Variants in COG4 observed in about 807,000 individuals in gnomAD.
COG4 encodes the protein conserved oligomeric Golgi complex subunit 4.
In COG4, 65 loss-of-function variants were observed where a neutral mutation model predicts 95.1. The observed-to-expected ratio is 0.68, with a 90% CI of 0.56 to 0.84. COG4 has a LOEUF of 0.84. COG4 is among the 40% of genes least tolerant of loss of function. The probability of loss-of-function intolerance (pLI) is 0.00; values close to 1 mark genes in which losing one functional copy is unlikely to be tolerated. For missense variants in COG4, 1,045 were observed against 989.1 expected, an observed-to-expected ratio of 1.06 and a Z score of -0.76; for synonymous variants, 421 against 374.8, an observed-to-expected ratio of 1.12 and a Z score of -1.42.
chr16:70,481,240 G>C (rs1019122742), intron 18 of COG4, 96 bp from the exon 19 acceptor site: 16 of 1,607,410 alleles, frequency 1.0e-5, no homozygotes, highest in Non-Finnish European at 1.2e-5. Flanking sequence ...CACCCGGGAA[G>C]GGGAAGGTGT....
intron 10 of COG4, 53 bp downstream of exon 10, chr16:70,497,884 C>A: frequency 1.9e-6 from 2 of 1,035,126 alleles, no homozygotes; most frequent in Non-Finnish European, 3.1e-6. Flanking sequence ...TTCCCTCAGC[C>A]TGGCTTCTTG....
intron 7 of COG4, chr16:70,508,780 T>C (rs1444090836): frequency 1.7e-6 from 1 of 583,428 alleles, no homozygotes; most frequent in Non-Finnish European, 3.2e-6. Flanking sequence ...TATTTCTATG[T>C]CGTACTTTTA....
chr16:70,493,820 C>T (rs1440284249), intron 12 of COG4, among the ~76,000 whole-genome samples: 1 of 151,862 alleles, frequency 6.6e-6, no homozygotes, highest in Non-Finnish European at 1.5e-5. Flanking sequence ...ATCTAGAGGC[C>T]GTGGGAGGGA....
chr16:70,508,465 C>T lies in COG4; in HGVS notation c.1003-1G>A. The T allele has an allele frequency of 6.2e-7, 1 of 1,613,800 alleles. No homozygotes were observed. The highest frequency in any genetic ancestry group is 8.5e-7 in the Non-Finnish European group (1 of 1,179,678). On this transcript the variant is annotated splice_acceptor_variant, in intron 7 of 18. Transcript: ENST00000323786. LOFTEE classifies it high-confidence loss of function. ...TCAGGTTGTTCTGAACATGCCGGAA[C>T]TGCAACATACCACAGGAATGAGAAT...
At chr16:70,483,323 C>T (rs1031123024) in intron 14 of COG4, among the ~76,000 whole-genome samples, 1 of 140,930 alleles carries the variant, frequency 7.1e-6, no homozygotes. Context: ...CCTTCCCTCT[C>T]TCCTCTCCCC....
intron 13 of COG4, among the ~76,000 whole-genome samples, chr16:70,488,847 G>A (rs2049187432): frequency 6.6e-6 from 1 of 152,116 alleles, no homozygotes; most frequent in South Asian, 2.1e-4. Flanking sequence ...CACCACACCC[G>A]GCCCAGCTAC....
chr16:70,500,270 C>T (rs1451190140), intron 9 of COG4, among the ~76,000 whole-genome samples: 3 of 151,642 alleles, frequency 2.0e-5, no homozygotes, highest in Non-Finnish European at 4.4e-5. Context: ...GCACCCAGCC[C>T]CCTTTCTTAT....
intron 7 of COG4, 43 bp downstream of exon 7, chr16:70,509,188 C>T (rs1027084289): frequency 6.2e-7 from 1 of 1,613,438 alleles, no homozygotes. Flanking sequence ...GTGTTCCTCG[C>T]TAAAGCTGCT....
In COG4 at chr16:70,504,575, C is replaced by G. The variant is rs572722653; in HGVS notation, c.1062-3484G>C. Reference sequence around the variant, plus strand: ...TGAGCCAAAATTGAGCCACTGCACTCCAGCCTGGGTGACGGAGTGAGTGAG... The same window carrying G: ...TGAGCCAAAATTGAGCCACTGCACTGCAGCCTGGGTGACGGAGTGAGTGAG... On this transcript the variant is annotated intron_variant, in intron 8 of 18. Transcript: ENST00000323786. Among the ~76,000 whole-genome samples the G allele has an allele frequency of 2.7e-5, 4 of 147,366 alleles. No homozygotes were observed. The South Asian group carries it at 8.5e-4, about 31-fold the overall frequency.
rs140384262 is a variant in COG4, at chr16:70,508,118, A to G, written c.1061+288T>C. 6.6e-3 allele frequency among the ~76,000 whole-genome samples: 1,003 copies of G among 151,870 alleles called. 18 individuals are homozygous for G. The highest frequency in any genetic ancestry group is 0.023 in the African/African-American group (951 of 41,426). ...GTATTTTTAGTAGAGACGGGGTTTC[A>G]CCATATTGGCCAGGCTGGTCTCGAA... On this transcript the variant is annotated intron_variant, in intron 8 of 18. Transcript: ENST00000323786.
chr16:70,506,573 G>C (rs1265524244), intron 8 of COG4, among the ~76,000 whole-genome samples: 1 of 112,976 alleles, frequency 8.9e-6, no homozygotes, highest in Admixed American at 1.3e-4. Context: ...TCCAGCCTGG[G>C]CAACAGAGCG....
intron 9 of COG4, 110 bp downstream of exon 9, chr16:70,500,848 G>A: frequency 1.5e-6 from 2 of 1,342,742 alleles, no homozygotes; most frequent in South Asian, 2.4e-5. Flanking sequence ...AGACCACCAG[G>A]GGCTAATAAG....
chr16:70,504,906 C>A (rs527717790), intron 8 of COG4, among the ~76,000 whole-genome samples: 69 of 104,032 alleles, frequency 6.6e-4, no homozygotes, highest in African/African-American at 2.9e-3. Context: ...GCAAGACTGT[C>A]TCAAAAAAAA....
At chr16:70,492,887 T>A (rs1340076013) in intron 12 of COG4, among the ~76,000 whole-genome samples, 1 of 140,596 alleles carries the variant, frequency 7.1e-6, no homozygotes, top group East Asian at 2.2e-4. Context: ...CGCTTGAACC[T>A]ATGAGGCGGA....
Position 70,520,810 on chromosome 16 carries a change from T to C in COG4, c.172-1079A>G, listed in dbSNP as rs187879023. Among the ~76,000 whole-genome samples, 4 of 152,280 alleles carry C rather than the reference T, an allele frequency of 2.6e-5. No homozygotes were observed. The East Asian group carries it at 5.8e-4, about 22-fold the overall frequency. ...ATTTATTGTGCAACCTCAATTTATG[T>C]AACATTTTTATGCTTCGGTTTTTTC... On this transcript the variant is annotated intron_variant, in intron 1 of 18. Transcript: ENST00000323786.
chr16:70,480,886 G>T lies in COG4; in HGVS notation c.*124C>A. 8.6e-7 allele frequency: 1 copy of T among 1,162,798 alleles called. No homozygotes were observed. The highest frequency in any genetic ancestry group is 1.3e-6 in the Non-Finnish European group (1 of 791,952). 72.0% of individuals were successfully genotyped at this position (1,162,798 alleles called of 1,614,324 possible). A position where few individuals can be genotyped will look rare whatever the true frequency, so the allele number is the denominator to read the frequency against. The stretch of plus-strand genomic sequence containing the variant: ...TCCAGACTTTGTTTCTCTGCTGCCA[G>T]CCGTAGAAAGGTCTGGGCTGTCAGA... On this transcript the variant is annotated 3_prime_UTR_variant, in exon 19 of 19. Coordinates refer to ENST00000323786, the MANE Select transcript of COG4 (RefSeq NM_015386.3).
At position 70,523,369 on chromosome 16, in the gene COG4, G is replaced by A. The variant is rs1567403701; in HGVS notation, c.171+4C>T. On this transcript the variant is annotated splice_donor_region_variant and intron_variant, in intron 1 of 18. Transcript: ENST00000323786. ...CATGAAAAAGAAGAGGCTCGACCCC[G>A]CACCTCCTCGCCGCAGAGCCGTTCG... 1 of 1,614,028 alleles carries A rather than the reference G, an allele frequency of 6.2e-7. No individual in the cohort carries two copies. The highest frequency in any genetic ancestry group is 8.5e-7 in the Non-Finnish European group (1 of 1,179,954).
intron 1 of COG4, among the ~76,000 whole-genome samples, chr16:70,520,953 A>T (rs1048794625): frequency 1.3e-5 from 2 of 152,218 alleles, no homozygotes; most frequent in Non-Finnish European, 2.9e-5. Context: ...AGCCATTAAA[A>T]TTAACCATAC....
chr16:70,496,295 T>C lies in COG4; in HGVS notation c.1618A>G (p.Ser540Gly). 3 of 1,614,198 alleles carry C rather than the reference T, an allele frequency of 1.9e-6. No individual in the cohort carries two copies. The highest frequency in any genetic ancestry group is 2.5e-6 in the Non-Finnish European group (3 of 1,180,026). ...QGKFDTKGIE[S>G]TDEAKMSFLV... is the part of the protein sequence containing the mutation. ...AAGGACATCTTCGCCTCGTCAGTAC[T>C]CTCGATGCCTTTTGTGTCAAATTTG... Residue 540 changes from serine to glycine, a missense_variant, in exon 12 of 19, where the codon AGT becomes GGT. Ser to Gly is a moderately conservative substitution (Grantham distance 56). Transcript: ENST00000323786.
Sources: allele counts gnomAD v4.1 joint callset (sites outside exome capture counted in the v4.1 genomes callset), GRCh38; gene constraint gnomAD v4.1.1; transcripts MANE v1.5; gene names NCBI Gene and HGNC (gene_info 2026-07-23, HGNC 2026-07-21).